The following EGF variants were observed in gnomAD, a reference collection of about 807,000 sequenced individuals.
EGF encodes the protein pro-epidermal growth factor.
A neutral mutation model predicts 143.8 loss-of-function variants in EGF; 95 were observed. That is an observed-to-expected ratio of 0.66 (90% CI 0.56 to 0.78). EGF has a LOEUF of 0.78. Ranked by LOEUF, EGF falls within the 30% of genes least tolerant of loss-of-function variation. The pLI is 0.00. For synonymous variants in EGF, 510 were observed against 510.5 expected, an observed-to-expected ratio of 1.00 and a Z score of 0.01; for missense variants, 1,320 against 1,470.9, an observed-to-expected ratio of 0.90 and a Z score of 1.68.
Position 109,913,039 on chromosome 4 carries a change from G to T in EGF, c.-297G>T. ...GTCACAGTGAAGTCAGCCAGAGCAG[G>T]GCTGTTAAACTCTGTGAAATTTGTC... On this transcript the variant is annotated 5_prime_UTR_variant, in exon 1 of 24. Transcript: ENST00000265171. 1 of 373,416 alleles carries T rather than the reference G, an allele frequency of 2.7e-6. No individual in the cohort carries two copies. The highest frequency in any genetic ancestry group is 5.1e-6 in the Non-Finnish European group (1 of 194,376). 23.1% of individuals were successfully genotyped at this position (373,416 alleles called of 1,614,324 possible). A position where few individuals can be genotyped will look rare whatever the true frequency, so the allele number is the denominator to read the frequency against.
intron 1 of EGF, among the ~76,000 whole-genome samples, chr4:109,922,300 A>G (rs1449189399): frequency 6.6e-6 from 1 of 151,656 alleles, no homozygotes; most frequent in Non-Finnish European, 1.5e-5. Context: ...GATTTCATGT[A>G]AGTGGGAAAA....
Position 109,913,434 on chromosome 4 carries a change from C to A in EGF, c.99C>A (p.Leu33=). Residue 33 remains leucine (L), a synonymous_variant, in exon 1 of 24, where the codon CTC becomes CTA. Transcript: ENST00000265171. ...ACTGGAGCTGTCCTGAAGGTACTCT[C>A]GCAGGAAATGGGAATTCTACTTGTG... ...PQHWSCPEGT[L]AGNGNSTCVG... 6.2e-7 allele frequency: 1 copy of A among 1,613,872 alleles called. No individual in the cohort carries two copies. The highest frequency in any genetic ancestry group is 1.1e-5 in the South Asian group (1 of 91,058).
intron 18 of EGF, among the ~76,000 whole-genome samples, chr4:109,989,299 C>T (rs1354043188): frequency 1.3e-5 from 2 of 152,162 alleles, no homozygotes; most frequent in African/African-American, 2.4e-5. Context: ...ATTGGGAGTT[C>T]GCGTCGTGGA....
chr4:109,974,467 A>G (rs1264753998), intron 11 of EGF, among the ~76,000 whole-genome samples: 1 of 152,174 alleles, frequency 6.6e-6, no homozygotes, highest in African/African-American at 2.4e-5. Context: ...CATTACCTGG[A>G]ATAAATATTG....
intron 20 of EGF, 85 bp downstream of exon 20, chr4:109,994,965 A>T: frequency 6.4e-7 from 1 of 1,574,676 alleles, no homozygotes; most frequent in Middle Eastern, 1.7e-4. Flanking sequence ...TACACTCAGG[A>T]TGTTTTTCTG....
At position 110,012,372 on chromosome 4, in the gene EGF, T is replaced by G. The variant is rs1754069224; in HGVS notation, c.*917T>G. ...TGCTGATGTTTCTGTTTTTCGTTTT[T>G]TTTTTTTTTCCGGAGAGAGGATAGG... is the stretch of plus-strand genomic sequence containing the variant. On this transcript the variant is annotated 3_prime_UTR_variant, in exon 24 of 24. Coordinates refer to ENST00000265171, the MANE Select transcript of EGF (RefSeq NM_001963.6). The G allele has an allele frequency of 6.6e-6, 1 of 152,040 alleles. No homozygotes were observed. The highest frequency in any genetic ancestry group is 1.5e-5 in the Non-Finnish European group (1 of 68,050). 9.4% of individuals were successfully genotyped at this position (152,040 alleles called of 1,614,324 possible).
intron 2 of EGF, 70 bp downstream of exon 2, chr4:109,941,215 T>G (rs905733402): frequency 3.6e-6 from 5 of 1,382,240 alleles, no homozygotes; most frequent in Non-Finnish European, 5.1e-6. Flanking sequence ...TACTGAATTC[T>G]TAATGTATAG....
chr4:109,941,056 G>GA lies in EGF; in HGVS notation c.239dup (p.Asp80GlufsTer5). The GA allele has an allele frequency of 6.2e-7, 1 of 1,613,970 alleles. No homozygotes were observed. Among genetic ancestry groups the GA allele is most frequent in the Non-Finnish European group, 8.5e-7 (1 of 1,179,938 alleles). ...GGATGCTGGTGTCTCAGTGATCATG[G>GA]ATTTTCATTATAATGAGAAAAGAAT... On this transcript the variant is annotated frameshift_variant, in exon 2 of 24. Transcript: ENST00000265171. LOFTEE classifies it high-confidence loss of function.
chr4:109,926,693 A>G (rs567985428), intron 1 of EGF, among the ~76,000 whole-genome samples: 1 of 152,268 alleles, frequency 6.6e-6, no homozygotes, highest in African/African-American at 2.4e-5. Context: ...AGAAAAGGAC[A>G]AGTGTTTAAC....
chr4:109,963,099 C>T (rs1172531447), intron 8 of EGF, 74 bp from the exon 9 acceptor site: 28 of 1,537,314 alleles, frequency 1.8e-5, no homozygotes, highest in African/African-American at 8.2e-5. Flanking sequence ...ATGGTTGACT[C>T]GCCCCCATCC....
intron 11 of EGF, among the ~76,000 whole-genome samples, chr4:109,970,116 C>A (rs1354430227): frequency 1.3e-5 from 2 of 152,096 alleles, no homozygotes; most frequent in African/African-American, 4.8e-5. Context: ...TGTGAAACCC[C>A]ACTCTCAGAG....
intron 1 of EGF, among the ~76,000 whole-genome samples, chr4:109,916,159 T>C (rs904065296): frequency 2.0e-5 from 3 of 152,132 alleles, no homozygotes; most frequent in South Asian, 2.1e-4. Context: ...GGCACTAAGT[T>C]ATCACTTTTA....
Position 109,987,877 on chromosome 4 carries a change from A to C in EGF, c.2608+17A>C, listed in dbSNP as rs1334258716. On this transcript the variant is annotated intron_variant, in intron 17 of 23. Transcript: ENST00000265171. ...TATGTTCTGGTAAGAGAAAAGGGCAAATTCACATATTTGGACAATACTGAA... is the reference window on the plus strand; with the variant it reads ...TATGTTCTGGTAAGAGAAAAGGGCACATTCACATATTTGGACAATACTGAA... The C allele has an allele frequency of 8.8e-6, 14 of 1,582,526 alleles. No homozygotes were observed. The highest frequency in any genetic ancestry group is 1.2e-5 in the Non-Finnish European group (14 of 1,151,336).
Position 109,988,192 on chromosome 4 carries a change from CTT to C in EGF, c.2608+349_2608+350del, listed in dbSNP as rs200891546. Among the ~76,000 whole-genome samples the C allele has an allele frequency of 3.8e-3, 527 of 138,538 alleles. 2 individuals carry two copies. Among genetic ancestry groups the C allele is most frequent in the African/African-American group, 0.012 (448 of 38,178 alleles). 90.9% of individuals were successfully genotyped at this position (138,538 alleles called of 152,430 possible). On this transcript the variant is annotated intron_variant, in intron 17 of 23. Coordinates refer to ENST00000265171, the MANE Select transcript of EGF (RefSeq NM_001963.6). ...TTCACCAATTCCAATGAAAACACAACTTTTTTTTTTTTTTTTTTACCCCAGAA... is the reference window on the plus strand; with the variant it reads ...TTCACCAATTCCAATGAAAACACAACTTTTTTTTTTTTTTTTACCCCAGAA...
rs772687328 is a variant in EGF at position 109,969,081 on chromosome 4, G to A, written c.1686G>A (p.Val562=). ...EGVDVPEGLA[V]DWIGRRFYWT... The stretch of plus-strand genomic sequence containing the variant: ...TAGATGTGCCAGAAGGTCTTGCTGT[G>A]GACTGGATTGGCCGTAGATTCTATT... Residue 562 remains valine, a synonymous_variant, in exon 11 of 24, where the codon GTG becomes GTA. Transcript: ENST00000265171. The A allele has an allele frequency of 1.9e-6, 3 of 1,614,096 alleles. No individual in the cohort carries two copies. Among genetic ancestry groups the A allele is most frequent in the East Asian group, 2.2e-5 (1 of 44,892 alleles).
chr4:109,913,381 A>C lies in EGF; in HGVS notation c.46A>C (p.Ser16Arg), dbSNP rs11568849. ...TCTGTTGCCAGTAGTTTCAAAATTTAGTTTTGTTAGTCTCTCAGCACCGCA... is the reference window on the plus strand; with the variant it reads ...TCTGTTGCCAGTAGTTTCAAAATTTCGTTTTGTTAGTCTCTCAGCACCGCA... Reference protein sequence around the residue: ...IILLPVVSKFSFVSLSAPQHW... With the variant: ...IILLPVVSKFRFVSLSAPQHW... Residue 16 changes from serine (S) to arginine (R), a missense_variant, in exon 1 of 24, where the codon AGT becomes CGT. Transcript: ENST00000265171. 3,098 of 1,613,952 alleles carry C rather than the reference A, an allele frequency of 1.9e-3. 40 individuals carry two copies. The East Asian group carries it at 0.027, about 14-fold the overall frequency.
chr4:109,929,312 C>T (rs1380547198), intron 1 of EGF, among the ~76,000 whole-genome samples: 1 of 152,078 alleles, frequency 6.6e-6, no homozygotes, highest in Non-Finnish European at 1.5e-5. Context: ...ACTTTCCTTT[C>T]TTCTTCTGTA....
chr4:110,008,656 T>G (rs1460045749), intron 23 of EGF, among the ~76,000 whole-genome samples: 1 of 152,212 alleles, frequency 6.6e-6, no homozygotes, highest in Non-Finnish European at 1.5e-5. Flanking sequence ...TTTAAGTTGA[T>G]CTGAGGATTG....
At chr4:109,929,349 T>G (rs1211276580) in intron 1 of EGF, among the ~76,000 whole-genome samples, 1 of 152,172 alleles carries the variant, frequency 6.6e-6, no homozygotes, top group Non-Finnish European at 1.5e-5. Flanking sequence ...AGCATTTACC[T>G]CCTAGTGTTC....
Sources: allele counts gnomAD v4.1 joint callset (sites outside exome capture counted in the v4.1 genomes callset), GRCh38; gene constraint gnomAD v4.1.1; transcripts MANE v1.5; gene names NCBI Gene and HGNC (gene_info 2026-07-23, HGNC 2026-07-21).